Variants in FADS2 observed in about 807,000 individuals in gnomAD.
The protein encoded by FADS2 is acyl-CoA 6-desaturase.
In FADS2, 18 loss-of-function variants were observed where a neutral mutation model predicts 61.2. The observed-to-expected ratio is 0.29, with a 90% CI of 0.20 to 0.44. The LOEUF is 0.44. Among genes scored for constraint, FADS2 ranks in the 20% least tolerant of loss-of-function variants. FADS2 has a pLI of 1.00. For missense variants in FADS2, 322 were observed against 572.7 expected, an observed-to-expected ratio of 0.56 and a Z score of 4.47; for synonymous variants, 203 against 223.9, an observed-to-expected ratio of 0.91 and a Z score of 0.83.
intron 1 of FADS2, among the ~76,000 whole-genome samples, chr11:61,836,700 CTT>C (rs1402257389): frequency 6.6e-6 from 1 of 152,216 alleles, no homozygotes; most frequent in African/African-American, 2.4e-5. Context: ...ATTTTAGTCT[CTT>C]TTAATCTAGA....
chr11:61,844,092 G>A (rs1391800362), intron 4 of FADS2, among the ~76,000 whole-genome samples: 1 of 152,170 alleles, frequency 6.6e-6, no homozygotes, highest in Admixed American at 6.5e-5. Context: ...ACATGTTCGT[G>A]TGTCATTTTT....
intron 7 of FADS2, among the ~76,000 whole-genome samples, chr11:61,861,371 A>AAAAAAAAAAAAAAAAAAAAAAAC (rs1555078396): frequency 2.8e-5 from 3 of 106,458 alleles, no homozygotes; most frequent in Non-Finnish European, 6.5e-5. Context: ...AAAAAAAAAA[A>AAAAAAAAAAAAAAAAAAAAAAAC]CAGAAATTAG....
At chr11:61,841,383 C>G (rs1169507998) in intron 4 of FADS2, among the ~76,000 whole-genome samples, 1 of 151,690 alleles carries the variant, frequency 6.6e-6, no homozygotes, top group Admixed American at 6.6e-5. Flanking sequence ...GGTATGCTTC[C>G]TTTCACTGGG....
rs187321839 is a variant in FADS2 at position 61,851,865 on chromosome 11, T to C, written c.744+3581T>C. ...TTATTGATGCTGTCCAGGAGGATTC[T>C]TTTTGTCATATGTAGCAAAGTATAT... On this transcript the variant is annotated intron_variant, in intron 5 of 11. Coordinates refer to ENST00000278840, the MANE Select transcript of FADS2 (RefSeq NM_004265.4). 1.6e-3 allele frequency among the ~76,000 whole-genome samples: 245 copies of C among 152,400 alleles called. 1 individual carries two copies. Among genetic ancestry groups the C allele is most frequent in the African/African-American group, 5.6e-3 (235 of 41,600 alleles).
At chr11:61,863,434 C>A in intron 9 of FADS2, 56 bp downstream of exon 9, 1 of 1,324,774 alleles carries the variant, frequency 7.5e-7, no homozygotes, top group Non-Finnish European at 1.1e-6. Context: ...TGTCCTGGCC[C>A]CAGATGATCT....
intron 1 of FADS2, chr11:61,817,021 G>A (rs2066992495): frequency 1.5e-6 from 2 of 1,317,240 alleles, no homozygotes; most frequent in Admixed American, 4.1e-5. Flanking sequence ...GCCCCCTCGC[G>A]GGCTCCCTAA....
chr11:61,864,009 C>T (rs2067440726), intron 10 of FADS2: 1 of 531,458 alleles, frequency 1.9e-6, no homozygotes, highest in Non-Finnish European at 3.4e-6. Context: ...TGCTGTGCCA[C>T]TTGGTCATAG....
At chr11:61,830,219 T>C (rs2067117500) in intron 1 of FADS2, among the ~76,000 whole-genome samples, 1 of 152,218 alleles carries the variant, frequency 6.6e-6, no homozygotes, top group African/African-American at 2.4e-5. Flanking sequence ...TCTGATTTCA[T>C]AGGTAAATTG....
At chr11:61,841,874 A>G (rs1435099223) in intron 4 of FADS2, among the ~76,000 whole-genome samples, 1 of 152,228 alleles carries the variant, frequency 6.6e-6, no homozygotes, top group East Asian at 1.9e-4. Flanking sequence ...GAGTTAAGGA[A>G]GTTCCACTCT....
chr11:61,857,429 C>A, intron 6 of FADS2, 25 bp from the exon 7 acceptor site: 1 of 1,609,786 alleles, frequency 6.2e-7, no homozygotes, highest in Non-Finnish European at 8.5e-7. Flanking sequence ...ATGGATGCCT[C>A]TAAGCGCCTG....
At chr11:61,836,519 A>C (rs2067176437) in intron 1 of FADS2, among the ~76,000 whole-genome samples, 2 of 152,216 alleles carry the variant, frequency 1.3e-5, no homozygotes, top group East Asian at 3.9e-4. Flanking sequence ...GGTGCAGGCC[A>C]CCATGCCTGG....
At chr11:61,861,215 G>A (rs1420662141) in intron 7 of FADS2, among the ~76,000 whole-genome samples, 4 of 151,512 alleles carry the variant, frequency 2.6e-5, no homozygotes, top group Admixed American at 6.6e-5. Context: ...TTATCCGGGC[G>A]TGGTGGCGGG....
intron 7 of FADS2, among the ~76,000 whole-genome samples, chr11:61,861,223 G>A (rs558725495): frequency 1.3e-5 from 2 of 151,132 alleles, no homozygotes; most frequent in South Asian, 2.1e-4. Context: ...GCGTGGTGGC[G>A]GGCACCTGTA....
At chr11:61,839,264 A>G (rs2067199248) in intron 2 of FADS2, among the ~76,000 whole-genome samples, 2 of 152,040 alleles carry the variant, frequency 1.3e-5, no homozygotes, top group African/African-American at 4.8e-5. Context: ...GTGTGCGCAG[A>G]GCAAGTGGTG....
Position 61,840,805 on chromosome 11 carries a change from G to A in FADS2, c.618+80G>A, listed in dbSNP as rs1371847851. ...GGACCAGGATTCCTCTCTGCTCAGT[G>A]CTCTGAGGCTACAGGGTGACAAGGC... is the stretch of plus-strand genomic sequence containing the variant. On this transcript the variant is annotated intron_variant, in intron 4 of 11. Coordinates refer to ENST00000278840, the MANE Select transcript of FADS2 (RefSeq NM_004265.4). The A allele has an allele frequency of 3.8e-5, 41 of 1,074,050 alleles. No homozygotes were observed. The Admixed American group carries it at 7.2e-4, about 19-fold the overall frequency. 66.5% of individuals were successfully genotyped at this position (1,074,050 alleles called of 1,614,324 possible).
intron 4 of FADS2, among the ~76,000 whole-genome samples, chr11:61,845,289 G>A (rs1056236995): frequency 6.6e-6 from 1 of 152,078 alleles, no homozygotes; most frequent in Admixed American, 6.5e-5. Flanking sequence ...GTGTGATGAG[G>A]CCAGACCCTC....
At chr11:61,860,792 T>C (rs1039022727) in intron 7 of FADS2, among the ~76,000 whole-genome samples, 1 of 152,108 alleles carries the variant, frequency 6.6e-6, no homozygotes, top group African/African-American at 2.4e-5. Context: ...GCCTGTAATC[T>C]ACCTACTTTG....
Position 61,835,101 on chromosome 11 carries a change from G to T in FADS2, c.208-2677G>T, listed in dbSNP as rs542553150. On this transcript the variant is annotated intron_variant, in intron 1 of 11. Transcript: ENST00000278840. The stretch of plus-strand genomic sequence containing the variant: ...CCTCCCCAGGGCCCTGGAATAGCAC[G>T]TCTCTTTTCCCTGAAAATACTCTTG... Among the ~76,000 whole-genome samples the T allele has an allele frequency of 2.7e-5, 4 of 150,478 alleles. No individual in the cohort carries two copies. In the South Asian group the frequency reaches 6.3e-4, roughly 24 times the overall value.
At position 61,816,824 on chromosome 11, in the gene FADS2, G is replaced by A; in HGVS notation, c.141+398G>A. On this transcript the variant is annotated intron_variant, in intron 1 of 11. Coordinates refer to the FADS2 transcript ENST00000257261. This position sits in a 1 kb window ranked among gnomAD's most constrained non-coding sequence, Gnocchi z 7.0. ...GTCAGGCGCGTGCTCGGGGTCCGCG[G>A]GCTCCAGGAGTGGATTTGCTGGCGC... The A allele has an allele frequency of 6.7e-7, 1 of 1,488,518 alleles. No individual in the cohort carries two copies. Among genetic ancestry groups the A allele is most frequent in the South Asian group, 1.3e-5 (1 of 77,942 alleles). The allele number at this position is 1,488,518 out of a possible 1,614,324, so 92.2% of individuals were successfully genotyped here.
Sources: gnomAD v4.1 joint callset for allele counts (sites outside exome capture counted in the v4.1 genomes callset) on GRCh38, gnomAD v4.1.1 for gene constraint, Gnocchi (gnomAD v3.1) non-coding constraint, MANE v1.5 for transcripts, NCBI Gene and HGNC (gene_info 2026-07-23, HGNC 2026-07-21) for gene names.